The following WWC2 variants were observed in gnomAD, a reference collection of about 807,000 sequenced individuals.
WWC2 encodes the protein WW and C2 domain containing 2.
Under a neutral mutation model 138.5 loss-of-function variants are expected in WWC2, and 101 were observed. The ratio of observed to expected loss-of-function variants is 0.73; its 90% CI spans 0.62 to 0.86. WWC2 has a LOEUF of 0.86. Ranked by LOEUF, WWC2 falls within the 40% of genes least tolerant of loss-of-function variation. WWC2 has a pLI of 0.00. For synonymous variants in WWC2, 558 were observed against 538.4 expected (o/e 1.04, Z -0.50); for missense variants, 1,420 against 1,419.4 (o/e 1.00, Z -0.01).
At chr4:183,281,848 C>T (rs1301553982) in intron 17 of WWC2, among the ~76,000 whole-genome samples, 1 of 152,120 alleles carries the variant, frequency 6.6e-6, no homozygotes, top group East Asian at 1.9e-4. Context: ...AATAGTAATT[C>T]TCATATATGT....
At chr4:183,117,946 T>A (rs1732470279) in intron 1 of WWC2, among the ~76,000 whole-genome samples, 2 of 151,410 alleles carry the variant, frequency 1.3e-5, no homozygotes, top group Non-Finnish European at 1.5e-5. Flanking sequence ...GACTATAGGC[T>A]CGTGCCACCA....
At position 183,289,452 on chromosome 4, in the gene WWC2, A is replaced by G. The variant is rs147196200; in HGVS notation, c.3201A>G (p.Leu1067=). ...TTQECPVRTS[L]DLELDLQASL... is the part of the protein sequence containing the mutation. ...AGGAATGCCCAGTGCGGACATCTCT[A>G]GACTTAGAACTGGACCTTCAGGCAT... The change falls in exon 21 of 23, where the codon CTA becomes CTG. Residue 1067 remains leucine, a synonymous_variant. Transcript: ENST00000403733. 1.4e-4 allele frequency: 219 copies of G among 1,613,086 alleles called. No individual in the cohort carries two copies. In the African/African-American group the frequency reaches 2.6e-3, roughly 19 times the overall value.
chr4:183,207,900 A>G (rs1235820044), intron 2 of WWC2, 53 bp from the exon 3 acceptor site: 1 of 1,492,694 alleles, frequency 6.7e-7, no homozygotes, highest in Non-Finnish European at 9.0e-7. Context: ...AGCTTAAACA[A>G]GCCGGAAAAC....
At chr4:183,103,768 G>T (rs1028823401) in intron 1 of WWC2, among the ~76,000 whole-genome samples, 3 of 151,112 alleles carry the variant, frequency 2.0e-5, no homozygotes, top group African/African-American at 7.3e-5. Context: ...CTCATGAGTA[G>T]CTGGGATTAC....
rs927209702 is a variant in WWC2, at chr4:183,099,451, G to C, written c.-41G>C. The C allele has an allele frequency of 1.6e-6, 2 of 1,224,728 alleles. No individual in the cohort carries two copies. Among genetic ancestry groups the C allele is most frequent in the East Asian group, 3.6e-5 (1 of 27,570 alleles). 75.9% of individuals were successfully genotyped at this position (1,224,728 alleles called of 1,614,324 possible). A position where few individuals can be genotyped will look rare whatever the true frequency, so the allele number is the denominator to read the frequency against. On this transcript the variant is annotated 5_prime_UTR_variant, in exon 1 of 23. Coordinates refer to ENST00000403733, the MANE Select transcript of WWC2 (RefSeq NM_024949.6). ...CGCGTTCCCGCCGCGTCCCGCGCCCGGTACCTATGGAGGCGCCGCTCGCCG... is the reference window on the plus strand; with the variant it reads ...CGCGTTCCCGCCGCGTCCCGCGCCCCGTACCTATGGAGGCGCCGCTCGCCG...
At chr4:183,252,956 A>G (rs540592779) in intron 8 of WWC2, among the ~76,000 whole-genome samples, 13 of 152,220 alleles carry the variant, frequency 8.5e-5, no homozygotes, top group Admixed American at 3.9e-4. Flanking sequence ...TGTGGCCTCA[A>G]ACTCCTGGGC....
chr4:183,117,789 T>C (rs538260939), intron 1 of WWC2, among the ~76,000 whole-genome samples: 2 of 147,284 alleles, frequency 1.4e-5, no homozygotes, highest in South Asian at 4.3e-4. Flanking sequence ...TGATTGGGGA[T>C]CTTTTTTTTT....
chr4:183,310,112 A>G (rs1320424710), intron 21 of WWC2, among the ~76,000 whole-genome samples: 1 of 152,224 alleles, frequency 6.6e-6, no homozygotes, highest in Non-Finnish European at 1.5e-5. Context: ...ACTCCTCTGT[A>G]TGATATTGTA....
chr4:183,259,597 AT>A (rs1217519329), intron 9 of WWC2, 41 bp from the exon 10 acceptor site: 1 of 1,366,482 alleles, frequency 7.3e-7, no homozygotes, highest in South Asian at 1.4e-5. Flanking sequence ...TAGTTTTCAT[AT>A]TTTGTTATAA....
chr4:183,305,555 T>TATA (rs1738999353), intron 21 of WWC2, among the ~76,000 whole-genome samples: 1 of 152,106 alleles, frequency 6.6e-6, no homozygotes, highest in African/African-American at 2.4e-5. Context: ...AGACAAGTAT[T>TATA]ATATGTGACT....
intron 1 of WWC2, among the ~76,000 whole-genome samples, chr4:183,185,598 T>G (rs1734767160): frequency 6.6e-6 from 1 of 152,230 alleles, no homozygotes; most frequent in Non-Finnish European, 1.5e-5. Flanking sequence ...GAGCTATGTT[T>G]CCTTTTATTC....
intron 15 of WWC2, 31 bp downstream of exon 15, chr4:183,269,194 T>C: frequency 6.6e-7 from 1 of 1,504,452 alleles, no homozygotes; most frequent in South Asian, 1.2e-5. Flanking sequence ...CATTACCAAA[T>C]AGCACTTAGA....
chr4:183,166,047 A>G (rs1484593189), intron 1 of WWC2, among the ~76,000 whole-genome samples: 1 of 152,190 alleles, frequency 6.6e-6, no homozygotes, highest in Non-Finnish European at 1.5e-5. Context: ...CTGTAATGTA[A>G]TAAATTGAGA....
Position 183,256,899 on chromosome 4 carries a change from C to CGG in WWC2, c.1197-2740_1197-2739insGG, listed in dbSNP as rs1560870229. Among the ~76,000 whole-genome samples the CGG allele has an allele frequency of 1.8e-4, 16 of 90,554 alleles. 1 individual carries two copies. Among genetic ancestry groups the CGG allele is most frequent in the Non-Finnish European group, 3.0e-4 (13 of 42,864 alleles). 59.4% of individuals were successfully genotyped at this position (90,554 alleles called of 152,430 possible). A position where few individuals can be genotyped will look rare whatever the true frequency, so the allele number is the denominator to read the frequency against. On this transcript the variant is annotated intron_variant, in intron 9 of 22. Transcript: ENST00000403733. ...TGATCCTACAGCCCCCCCCCCCCCC[C>CGG]CCCCGGCTCTGTTCCTGCCCCCACA...
At chr4:183,106,608 G>A (rs1253517614) in intron 1 of WWC2, among the ~76,000 whole-genome samples, 1 of 151,980 alleles carries the variant, frequency 6.6e-6, no homozygotes, top group Non-Finnish European at 1.5e-5. Flanking sequence ...ACAGCTTTTT[G>A]CAAAAACTGA....
chr4:183,188,487 C>T (rs957493842), intron 1 of WWC2, among the ~76,000 whole-genome samples: 31 of 152,094 alleles, frequency 2.0e-4, no homozygotes, highest in African/African-American at 7.0e-4. Context: ...ATCTGCCTGT[C>T]TCAGCATCCC....
At chr4:183,295,886 T>C (rs1738617494) in intron 21 of WWC2, among the ~76,000 whole-genome samples, 1 of 152,204 alleles carries the variant, frequency 6.6e-6, no homozygotes, top group African/African-American at 2.4e-5. Flanking sequence ...ATGTGAGGCA[T>C]GTTTCTCAGA....
At chr4:183,282,012 A>G (rs555882914) in intron 17 of WWC2, among the ~76,000 whole-genome samples, 4 of 152,286 alleles carry the variant, frequency 2.6e-5, no homozygotes, top group African/African-American at 9.6e-5. Context: ...TCATTATGTC[A>G]CCAATCAAAT....
chr4:183,265,625 CTG>C, intron 12 of WWC2, 61 bp from the exon 13 acceptor site: 1 of 1,493,822 alleles, frequency 6.7e-7, no homozygotes, highest in Non-Finnish European at 9.2e-7. Context: ...AAGTGGCAAA[CTG>C]TTAACCATAA....
Sources: allele counts gnomAD v4.1 joint callset (sites outside exome capture counted in the v4.1 genomes callset), GRCh38; gene constraint gnomAD v4.1.1; transcripts MANE v1.5; gene names NCBI Gene and HGNC (gene_info 2026-07-23, HGNC 2026-07-21).